ANO4: variants seen among roughly 807,000 people sequenced by gnomAD.
The protein encoded by ANO4 is anoctamin-4.
ANO4 carries 69 observed loss-of-function variants against 141.9 expected under a neutral mutation model. The ratio of observed to expected loss-of-function variants is 0.49; its 90% CI spans 0.40 to 0.59. The LOEUF (loss-of-function observed/expected upper bound fraction) is 0.59, where lower values mean the gene tolerates loss of function less well. Among genes scored for constraint, ANO4 ranks in the 20% least tolerant of loss-of-function variants. ANO4 has a pLI of 0.00. For synonymous variants in ANO4, 350 were observed against 394.3 expected (o/e 0.89, Z 1.33); for missense variants, 894 against 1,162.2 (o/e 0.77, Z 3.36).
chr12:100,725,467 C>G (rs1389558974), intron 1 of ANO4, among the ~76,000 whole-genome samples: 1 of 151,948 alleles, frequency 6.6e-6, no homozygotes, highest in Non-Finnish European at 1.5e-5. Context: ...CTGCCTCAGC[C>G]TCCCGAGTAG....
At chr12:100,815,255 C>G (rs1197153573) in intron 1 of ANO4, among the ~76,000 whole-genome samples, 1 of 152,114 alleles carries the variant, frequency 6.6e-6, no homozygotes, top group African/African-American at 2.4e-5. Flanking sequence ...ATTTAAATCT[C>G]TCCCTGACCC....
chr12:100,760,339 TAGAA>T, intron 3 of ANO4, among the ~76,000 whole-genome samples: 1 of 152,242 alleles, frequency 6.6e-6, no homozygotes, highest in East Asian at 1.9e-4. Context: ...GCCAAGAAAA[TAGAA>T]AGCAGAGATG....
At chr12:100,851,006 C>G (rs918541252) in intron 1 of ANO4, among the ~76,000 whole-genome samples, 10 of 151,952 alleles carry the variant, frequency 6.6e-5, no homozygotes, top group Admixed American at 5.2e-4. Context: ...CTATTTTTAG[C>G]TCTTTTAAAA....
chr12:100,869,335 A>G (rs1158780747), intron 1 of ANO4, among the ~76,000 whole-genome samples: 1 of 152,138 alleles, frequency 6.6e-6, no homozygotes, highest in South Asian at 2.1e-4. Context: ...CTGTGCTTGG[A>G]CCTGAGTCTT....
rs987813784 is a variant in ANO4 at position 101,111,800 on chromosome 12, A to G, written c.2450+90A>G. On this transcript the variant is annotated intron_variant, in intron 24 of 27. Coordinates refer to ENST00000392977, the MANE Select transcript of ANO4 (RefSeq NM_001286615.2). ...CAGACAGAAGACTGCACTGGAGAAT[A>G]TGGAATACATGCCCAGAAGGAGAGG... 4.2e-6 allele frequency: 5 copies of G among 1,183,768 alleles called. No homozygotes were observed. The African/African-American group carries it at 4.7e-5, about 11-fold the overall frequency. 73.3% of individuals were successfully genotyped at this position (1,183,768 alleles called of 1,614,324 possible). A position where few individuals can be genotyped will look rare whatever the true frequency, so the allele number is the denominator to read the frequency against.
In ANO4 at chr12:101,079,223, G is replaced by A. The variant is rs771740284; in HGVS notation, c.1343G>A (p.Arg448Gln). The change falls in exon 15 of 28, where the codon CGG (arginine) becomes CAG (glutamine). Residue 448 changes from arginine (R) to glutamine (Q), a missense_variant. Arg to Gln is a conservative substitution (Grantham distance 43). This residue lies in a region of ANO4 where 637 missense variants were observed against 909.2 expected (regional missense o/e 0.70). Coordinates refer to ENST00000392977, the MANE Select transcript of ANO4 (RefSeq NM_001286615.2). The part of the protein sequence containing the change: ...ATVFLEFWKR[R>Q]RAVIAYDWDL... ...GTTTTCCTGGAGTTTTGGAAAAGAC[G>A]GCGAGCAGTAATTGCTTATGACTGG... The A allele has an allele frequency of 8.1e-6, 13 of 1,613,808 alleles. No individual in the cohort carries two copies. In the African/African-American group the frequency reaches 9.3e-5, roughly 12 times the overall value.
At chr12:100,846,805 T>C (rs182257727) in intron 1 of ANO4, among the ~76,000 whole-genome samples, 1 of 152,164 alleles carries the variant, frequency 6.6e-6, no homozygotes, top group South Asian at 2.1e-4. Flanking sequence ...AATGATTTTC[T>C]CAGTTTTCAA....
At chr12:100,830,846 A>G (rs559408890) in intron 1 of ANO4, among the ~76,000 whole-genome samples, 2 of 152,244 alleles carry the variant, frequency 1.3e-5, no homozygotes, top group East Asian at 3.9e-4. Context: ...CTTTTAGCTT[A>G]AGTATCCACT....
chr12:100,827,324 T>G (rs2036403958), intron 1 of ANO4, among the ~76,000 whole-genome samples: 1 of 152,094 alleles, frequency 6.6e-6, no homozygotes, highest in Admixed American at 6.6e-5. Flanking sequence ...ATTATATGCA[T>G]AGCTAATGTC....
intron 3 of ANO4, among the ~76,000 whole-genome samples, chr12:100,924,453 C>G (rs1196351853): frequency 1.3e-5 from 2 of 152,022 alleles, no homozygotes; most frequent in Non-Finnish European, 2.9e-5. Flanking sequence ...TGAATGTGCT[C>G]AGTACAGGAT....
intron 2 of ANO4, among the ~76,000 whole-genome samples, chr12:100,910,166 A>G (rs961368766): frequency 1.2e-4 from 18 of 152,168 alleles, no homozygotes; most frequent in African/African-American, 4.3e-4. Context: ...TTGGTGTAGA[A>G]TGTCCAGTTT....
At chr12:100,766,328 T>G (rs1431205213) in intron 3 of ANO4, among the ~76,000 whole-genome samples, 1 of 152,176 alleles carries the variant, frequency 6.6e-6, no homozygotes, top group Non-Finnish European at 1.5e-5. Context: ...AGGTATAAAG[T>G]TAGCGTCTTT....
chr12:101,032,004 T>C (rs1052555581), intron 9 of ANO4, among the ~76,000 whole-genome samples: 1 of 152,342 alleles, frequency 6.6e-6, no homozygotes, highest in South Asian at 2.1e-4. Flanking sequence ...ATGTTCATAC[T>C]GCCCAAAGTA....
intron 24 of ANO4, among the ~76,000 whole-genome samples, chr12:101,113,153 G>C (rs1002325950): frequency 6.6e-6 from 1 of 152,164 alleles, no homozygotes; most frequent in East Asian, 1.9e-4. Context: ...CCCATGTGAA[G>C]GTGGAGCCTC....
intron 13 of ANO4, among the ~76,000 whole-genome samples, chr12:101,046,722 A>G (rs773388274): frequency 1.3e-5 from 2 of 151,920 alleles, no homozygotes; most frequent in Admixed American, 6.5e-5. Flanking sequence ...TATATTGTCA[A>G]ATTGATAACT....
chr12:100,839,624 A>G (rs753415799), intron 1 of ANO4, among the ~76,000 whole-genome samples: 31 of 152,142 alleles, frequency 2.0e-4, no homozygotes, highest in Non-Finnish European at 4.0e-4. Context: ...AATAAGGTAA[A>G]ATATCCAGGA....
At chr12:100,769,587 AG>A (rs1391161173) in intron 3 of ANO4, among the ~76,000 whole-genome samples, 59 of 152,318 alleles carry the variant, frequency 3.9e-4, no homozygotes, top group African/African-American at 1.3e-3. Flanking sequence ...AGGATGTACA[AG>A]GTAAAGGATT....
chr12:100,752,778 T>A (rs2032442048), intron 3 of ANO4, among the ~76,000 whole-genome samples: 1 of 152,212 alleles, frequency 6.6e-6, no homozygotes, highest in Admixed American at 6.5e-5. Flanking sequence ...TTCTGACATC[T>A]CTGGAGTCAG....
At chr12:101,064,423 G>A (rs2048485462) in intron 14 of ANO4, among the ~76,000 whole-genome samples, 2 of 152,086 alleles carry the variant, frequency 1.3e-5, no homozygotes, top group African/African-American at 4.8e-5. Flanking sequence ...CCCACAGTAT[G>A]ATATCTTGGA....
Sources: allele counts gnomAD v4.1 joint callset (sites outside exome capture counted in the v4.1 genomes callset), GRCh38; gene constraint gnomAD v4.1.1; regional missense constraint gnomAD v4.1.1; transcripts MANE v1.5; gene names NCBI Gene and HGNC (gene_info 2026-07-23, HGNC 2026-07-21).